Variants in EDAR observed in about 807,000 individuals in gnomAD.
EDAR encodes the protein ectodysplasin A receptor.
Under a neutral mutation model 51.3 loss-of-function variants are expected in EDAR, and 38 were observed. The observed-to-expected ratio is 0.74, with a 90% CI of 0.57 to 0.97. The LOEUF is 0.97. Ranked by LOEUF, EDAR falls within the 50% of genes least tolerant of loss-of-function variation. The pLI is 0.00. For missense variants in EDAR, 528 were observed against 595.0 expected (o/e 0.89, Z 1.17); for synonymous variants, 227 against 242.1 (o/e 0.94, Z 0.58).
At chr2:108,983,907 C>T (rs1388115911) in intron 1 of EDAR, among the ~76,000 whole-genome samples, 1 of 152,186 alleles carries the variant, frequency 6.6e-6, no homozygotes, top group Non-Finnish European at 1.5e-5. Flanking sequence ...GGAAGGTGTC[C>T]CTCTCTCCAA....
chr2:108,896,993 G>T lies in EDAR; in HGVS notation c.1261C>A (p.Leu421Met). 1 of 1,613,878 alleles carries T rather than the reference G, an allele frequency of 6.2e-7. No homozygotes were observed. The highest frequency in any genetic ancestry group is 8.5e-7 in the Non-Finnish European group (1 of 1,179,910). Residue 421 changes from leucine to methionine, a missense_variant, in exon 12 of 12, where the codon CTG becomes ATG. Transcript: ENST00000258443. The stretch of plus-strand genomic sequence containing the variant: ...GCACACAAGGACTCCACAGCATCCA[G>T]CCGCTCAATCTGCACCAGTTTTGTG... ...LLTKLVQIER[L>M]DAVESLCADI...
rs771068489 is a variant in EDAR, at chr2:108,909,627, C to T, written c.803+833G>A. Among the ~76,000 whole-genome samples the T allele has an allele frequency of 7.2e-5, 11 of 152,298 alleles. No homozygotes were observed. In the South Asian group the frequency reaches 1.7e-3, roughly 23 times the overall value. On this transcript the variant is annotated intron_variant, in intron 9 of 11. Transcript: ENST00000258443. ...CGGGCAGAGGCCTGGCAGGGGGGTC[C>T]GAGCACATTGCCTGGCTGGGAGCTG...
intron 1 of EDAR, among the ~76,000 whole-genome samples, chr2:108,977,999 G>A (rs1311159663): frequency 6.6e-6 from 1 of 152,220 alleles, no homozygotes; most frequent in East Asian, 1.9e-4. Flanking sequence ...TTCTCGTAGA[G>A]GAACTCCAGC....
Position 108,906,379 on chromosome 2 carries a change from G to A in EDAR, c.964-11C>T, listed in dbSNP as rs1160330678. 6.2e-7 allele frequency: 1 copy of A among 1,614,128 alleles called. No individual in the cohort carries two copies. The highest frequency in any genetic ancestry group is 1.3e-5 in the African/African-American group (1 of 75,048). ...CCTCCGGCTTTGAATCTGTGAAAAA[G>A]AGTCGAGAATTTTCATCTCCAGAAA... On this transcript the variant is annotated splice_polypyrimidine_tract_variant and intron_variant, in intron 10 of 11. Transcript: ENST00000258443.
intron 1 of EDAR, among the ~76,000 whole-genome samples, chr2:108,956,852 G>A (rs1010605453): frequency 3.3e-5 from 5 of 151,508 alleles, no homozygotes; most frequent in African/African-American, 4.9e-5. Context: ...GCAATGGCAC[G>A]ATCTCAGCAC....
intron 1 of EDAR, among the ~76,000 whole-genome samples, chr2:108,952,689 G>A (rs142922447): frequency 9.9e-5 from 15 of 152,180 alleles, no homozygotes; most frequent in East Asian, 1.9e-4. Flanking sequence ...TCCAACATCC[G>A]GATTATCCTG....
intron 1 of EDAR, among the ~76,000 whole-genome samples, chr2:108,969,395 G>A (rs190340351): frequency 6.6e-6 from 1 of 152,308 alleles, no homozygotes; most frequent in Admixed American, 6.5e-5. Context: ...TATCTCCGGT[G>A]AGAGGAGAAC....
At chr2:108,939,994 G>T (rs73952563) in intron 1 of EDAR, among the ~76,000 whole-genome samples, 2,268 of 152,302 alleles carry the variant, frequency 0.015, 29 homozygotes, top group South Asian at 0.029. Flanking sequence ...AGCAAAACAA[G>T]AACGTAATCC....
chr2:108,922,398 A>G (rs1159983525), intron 5 of EDAR, among the ~76,000 whole-genome samples: 1 of 152,216 alleles, frequency 6.6e-6, no homozygotes, highest in Non-Finnish European at 1.5e-5. Context: ...GGCCAGGAAA[A>G]TGGCTTTGAA....
chr2:108,912,132 G>A (rs1298541171), intron 6 of EDAR, among the ~76,000 whole-genome samples: 1 of 152,118 alleles, frequency 6.6e-6, no homozygotes, highest in East Asian at 1.9e-4. Context: ...TGAGACCTGG[G>A]CCCGAAACAT....
chr2:108,909,546 G>A (rs776826161), intron 9 of EDAR, among the ~76,000 whole-genome samples: 1 of 152,198 alleles, frequency 6.6e-6, no homozygotes, highest in Non-Finnish European at 1.5e-5. Flanking sequence ...TGCCCCATCT[G>A]CCAAGGGAGG....
intron 1 of EDAR, among the ~76,000 whole-genome samples, chr2:108,965,138 G>T (rs1246260450): frequency 2.0e-5 from 3 of 151,998 alleles, no homozygotes; most frequent in Admixed American, 2.0e-4. Flanking sequence ...AAGGGTACTG[G>T]TATTTATTTT....
Position 108,897,016 on chromosome 2 carries a change from G to T in EDAR, c.1238C>A (p.Thr413Lys). The T allele has an allele frequency of 6.2e-7, 1 of 1,614,010 alleles. No homozygotes were observed. Among genetic ancestry groups the T allele is most frequent in the South Asian group, 1.1e-5 (1 of 91,038 alleles). ...CAGCCGCTCAATCTGCACCAGTTTTGTGAGTAGCTCAGGGATGCTGTAGCC... is the reference window on the plus strand; with the variant it reads ...CAGCCGCTCAATCTGCACCAGTTTTTTGAGTAGCTCAGGGATGCTGTAGCC... ...TAGYSIPELL[T>K]KLVQIERLDA... is the part of the protein sequence containing the mutation. Residue 413 changes from threonine to lysine, a missense_variant, in exon 12 of 12, where the codon ACA (threonine) becomes AAA (lysine). Physicochemically the swap from Thr to Lys is moderately conservative, Grantham distance 78. Coordinates refer to ENST00000258443, the MANE Select transcript of EDAR (RefSeq NM_022336.4).
intron 1 of EDAR, among the ~76,000 whole-genome samples, chr2:108,973,923 T>G (rs1698276414): frequency 6.6e-6 from 1 of 152,178 alleles, no homozygotes; most frequent in African/African-American, 2.4e-5. Flanking sequence ...TTAAACCAAT[T>G]ACGGAGCTGT....
chr2:108,973,189 T>C (rs953264074), intron 1 of EDAR, among the ~76,000 whole-genome samples: 1 of 152,238 alleles, frequency 6.6e-6, no homozygotes, highest in African/African-American at 2.4e-5. Context: ...GGTTTCACCA[T>C]GTTGGCCAGG....
At chr2:108,934,312 G>A (rs796722324) in intron 1 of EDAR, among the ~76,000 whole-genome samples, 10 of 152,298 alleles carry the variant, frequency 6.6e-5, no homozygotes, top group African/African-American at 2.4e-4. Flanking sequence ...CAGGCAGGAG[G>A]TGGGCCACTG....
At chr2:108,985,732 G>A (rs1275675109) in intron 1 of EDAR, among the ~76,000 whole-genome samples, 1 of 152,128 alleles carries the variant, frequency 6.6e-6, no homozygotes, top group Admixed American at 6.5e-5. Context: ...CCCCAGAGAG[G>A]GTAGCTTTGC....
intron 1 of EDAR, among the ~76,000 whole-genome samples, chr2:108,974,995 T>C (rs1698297437): frequency 6.6e-6 from 1 of 152,122 alleles, no homozygotes; most frequent in South Asian, 2.1e-4. Flanking sequence ...AGGCAGCCAT[T>C]CTGCAAGTCC....
intron 4 of EDAR, among the ~76,000 whole-genome samples, chr2:108,924,759 C>T (rs1697220134): frequency 6.6e-6 from 1 of 152,176 alleles, no homozygotes; most frequent in Non-Finnish European, 1.5e-5. Flanking sequence ...AAAACACCTC[C>T]CAGAGAAGCC....
Sources: allele counts gnomAD v4.1 joint callset (sites outside exome capture counted in the v4.1 genomes callset), GRCh38; gene constraint gnomAD v4.1.1; transcripts MANE v1.5; gene names NCBI Gene and HGNC (gene_info 2026-07-23, HGNC 2026-07-21).